CEP170: variants seen among roughly 807,000 people sequenced by gnomAD.
The protein encoded by CEP170 is centrosomal protein 170, also known as centrosomal protein of 170 kDa.
Under a neutral mutation model 151.9 loss-of-function variants are expected in CEP170, and 21 were observed. The ratio of observed to expected loss-of-function variants is 0.14; its 90% CI spans 0.10 to 0.20. CEP170 has a LOEUF of 0.20. Among genes scored for constraint, CEP170 ranks in the 10% least tolerant of loss-of-function variants. CEP170 has a pLI of 1.00. For synonymous variants in CEP170, 356 were observed against 648.8 expected (o/e 0.55, Z 6.86); for missense variants, 964 against 1,892.9 (o/e 0.51, Z 9.11).
chr1:243,197,181 G>A (rs1218340715), intron 7 of CEP170, among the ~76,000 whole-genome samples: 19 of 152,064 alleles, frequency 1.2e-4, no homozygotes, highest in South Asian at 1.0e-3. Flanking sequence ...TCAGGACGGC[G>A]GGCAGCGTGG....
intron 18 of CEP170, chr1:243,128,571 G>C: frequency 2.9e-6 from 1 of 345,030 alleles, no homozygotes; most frequent in Non-Finnish European, 5.1e-6. Context: ...TTTAAGCAAA[G>C]ATTTTTTTTT....
At chr1:243,189,327 T>A (rs932948413) in intron 8 of CEP170, among the ~76,000 whole-genome samples, 1 of 151,846 alleles carries the variant, frequency 6.6e-6, no homozygotes, top group African/African-American at 2.4e-5. Context: ...GAGGCTAAGG[T>A]GGGTGGATCA....
intron 1 of CEP170, among the ~76,000 whole-genome samples, chr1:243,251,208 G>C (rs1435378629): frequency 6.6e-6 from 1 of 152,176 alleles, no homozygotes; most frequent in African/African-American, 2.4e-5. Context: ...CCTATGCCCA[G>C]GGAAGGGTTT....
At chr1:243,242,952 G>A (rs773666380) in intron 1 of CEP170, among the ~76,000 whole-genome samples, 20 of 152,188 alleles carry the variant, frequency 1.3e-4, no homozygotes, top group African/African-American at 4.1e-4. Flanking sequence ...CACCTGCCTC[G>A]GCCTGCCAAA....
intron 7 of CEP170, among the ~76,000 whole-genome samples, chr1:243,196,586 G>C (rs1296495312): frequency 1.3e-5 from 2 of 152,002 alleles, no homozygotes; most frequent in Non-Finnish European, 2.9e-5. Context: ...TGTGTGACAG[G>C]GGAGGGCTAA....
At chr1:243,143,552 T>C (rs2056131580) in intron 14 of CEP170, among the ~76,000 whole-genome samples, 1 of 152,168 alleles carries the variant, frequency 6.6e-6, no homozygotes, top group Admixed American at 6.5e-5. Flanking sequence ...GATATTCTTG[T>C]TTTTTGAGAA....
chr1:243,254,961 A>T (rs1305735207), intron 1 of CEP170, 79 bp downstream of exon 1: 1 of 152,158 alleles, frequency 6.6e-6, no homozygotes, highest in East Asian at 1.9e-4. Context: ...CGCAAACCCG[A>T]GGAGCAGGAT....
chr1:243,232,751 C>G (rs1315369092), intron 1 of CEP170, among the ~76,000 whole-genome samples: 1 of 152,130 alleles, frequency 6.6e-6, no homozygotes, highest in Non-Finnish European at 1.5e-5. Flanking sequence ...GATGCCATGA[C>G]AGAGATAAAC....
At chr1:243,227,411 C>T (rs1206480828) in intron 1 of CEP170, among the ~76,000 whole-genome samples, 1 of 152,166 alleles carries the variant, frequency 6.6e-6, no homozygotes, top group African/African-American at 2.4e-5. Flanking sequence ...GAGTCTAGTT[C>T]TGCAGACAAC....
intron 4 of CEP170, among the ~76,000 whole-genome samples, chr1:243,203,828 C>T (rs2148857109): frequency 6.6e-6 from 1 of 151,640 alleles, no homozygotes; most frequent in East Asian, 1.9e-4. Context: ...AATTAGAGTC[C>T]ACAGAGAATT....
intron 7 of CEP170, among the ~76,000 whole-genome samples, chr1:243,193,284 T>G (rs1289887216): frequency 6.6e-6 from 1 of 152,130 alleles, no homozygotes; most frequent in East Asian, 1.9e-4. Flanking sequence ...TTTTTTTTAC[T>G]ATGCACAATG....
At chr1:243,208,239 T>C (rs1413796980) in intron 4 of CEP170, among the ~76,000 whole-genome samples, 1 of 152,186 alleles carries the variant, frequency 6.6e-6, no homozygotes, top group Non-Finnish European at 1.5e-5. Context: ...ACCGTTCACC[T>C]GAACTACTGC....
chr1:243,213,542 CTG>C lies in CEP170; in HGVS notation c.196-1580_196-1579del, dbSNP rs905644400. Among the ~76,000 whole-genome samples the C allele has an allele frequency of 5.3e-5, 8 of 152,168 alleles. No individual in the cohort carries two copies. In the East Asian group the frequency reaches 1.2e-3, roughly 22 times the overall value. ...ATAGCATAAGCAAAATTATCAGACT[CTG>C]TGTCTTCAAATGAAGACAGTCATAG... On this transcript the variant is annotated intron_variant, in intron 3 of 19. Coordinates refer to ENST00000366542, the MANE Select transcript of CEP170 (RefSeq NM_014812.3).
chr1:243,153,240 T>C (rs1331513765), intron 14 of CEP170, among the ~76,000 whole-genome samples: 1 of 152,182 alleles, frequency 6.6e-6, no homozygotes, highest in African/African-American at 2.4e-5. Context: ...GAAAAGAAAG[T>C]GGTATCTTGC....
intron 1 of CEP170, among the ~76,000 whole-genome samples, chr1:243,226,001 A>C: frequency 6.9e-6 from 1 of 145,674 alleles, no homozygotes; most frequent in East Asian, 2.0e-4. Flanking sequence ...ATACACGTAT[A>C]TATATCTAGA....
chr1:243,127,483 C>T (rs868059781), intron 19 of CEP170, among the ~76,000 whole-genome samples: 17 of 152,100 alleles, frequency 1.1e-4, no homozygotes, highest in African/African-American at 3.4e-4. Context: ...GTAGAAGGGA[C>T]TTTTAAAAGT....
At chr1:243,179,277 T>G (rs1473859683) in intron 10 of CEP170, among the ~76,000 whole-genome samples, 1 of 152,222 alleles carries the variant, frequency 6.6e-6, no homozygotes, top group Non-Finnish European at 1.5e-5. Context: ...TCCCTGGTCA[T>G]GTATCCCCTC....
chr1:243,229,370 C>T (rs1333574586), intron 1 of CEP170, among the ~76,000 whole-genome samples: 1 of 152,002 alleles, frequency 6.6e-6, no homozygotes, highest in Non-Finnish European at 1.5e-5. Context: ...TTCTAAATGA[C>T]TGCAAAAATA....
intron 3 of CEP170, among the ~76,000 whole-genome samples, chr1:243,217,471 C>T (rs897800467): frequency 6.6e-6 from 1 of 152,176 alleles, no homozygotes; most frequent in Non-Finnish European, 1.5e-5. Context: ...ATATTAAGCA[C>T]CTGTTGTGTG....
Sources: gnomAD v4.1 joint callset for allele counts (sites outside exome capture counted in the v4.1 genomes callset) on GRCh38, gnomAD v4.1.1 for gene constraint, MANE v1.5 for transcripts, NCBI Gene and HGNC (gene_info 2026-07-23, HGNC 2026-07-21) for gene names.